The following GRM3 variants were observed in gnomAD, a reference collection of about 807,000 sequenced individuals.
GRM3 encodes metabotropic glutamate receptor 3.
In GRM3, 26 loss-of-function variants were observed where a neutral mutation model predicts 70.5. The ratio of observed to expected loss-of-function variants is 0.37; its 90% CI spans 0.27 to 0.51. GRM3 has a LOEUF of 0.51. Ranked by LOEUF, GRM3 falls within the 20% of genes least tolerant of loss-of-function variation. The pLI, the probability that GRM3 is intolerant of heterozygous loss-of-function variation, is 0.93. For missense variants in GRM3, 859 were observed against 1,123.8 expected, an observed-to-expected ratio of 0.76 and a Z score of 3.37; for synonymous variants, 443 against 434.9, an observed-to-expected ratio of 1.02 and a Z score of -0.23.
At chr7:86,832,353 C>T (rs1248462407) in intron 3 of GRM3, among the ~76,000 whole-genome samples, 2 of 150,050 alleles carry the variant, frequency 1.3e-5, no homozygotes, top group Admixed American at 6.7e-5. Flanking sequence ...CGGGTTCAAG[C>T]GATTCTTCTG....
chr7:86,660,312 T>G (rs1793860919), intron 1 of GRM3, among the ~76,000 whole-genome samples: 1 of 152,068 alleles, frequency 6.6e-6, no homozygotes, highest in Non-Finnish European at 1.5e-5. Context: ...TTGCCTTTCC[T>G]TGTATCCTAG....
intron 1 of GRM3, among the ~76,000 whole-genome samples, chr7:86,683,290 C>T (rs1175383542): frequency 1.3e-5 from 2 of 152,156 alleles, no homozygotes; most frequent in Admixed American, 6.5e-5. Context: ...TTAACATTCA[C>T]TGCAACAGAA....
At chr7:86,653,186 T>C (rs1386152671) in intron 1 of GRM3, among the ~76,000 whole-genome samples, 1 of 152,200 alleles carries the variant, frequency 6.6e-6, no homozygotes, top group East Asian at 1.9e-4. Context: ...CTCTGGGCTC[T>C]CCTCCTCTTA....
intron 3 of GRM3, among the ~76,000 whole-genome samples, chr7:86,805,954 T>C (rs1213413027): frequency 6.9e-6 from 1 of 145,278 alleles, no homozygotes; most frequent in Admixed American, 7.0e-5. Flanking sequence ...TGTGTCCAAG[T>C]GTTCTCATTG....
At chr7:86,796,727 T>G (rs1011318010) in intron 3 of GRM3, among the ~76,000 whole-genome samples, 2 of 152,212 alleles carry the variant, frequency 1.3e-5, no homozygotes, top group Non-Finnish European at 2.9e-5. Context: ...GTGTTCTCTC[T>G]TATTTCCTTG....
intron 3 of GRM3, among the ~76,000 whole-genome samples, chr7:86,819,548 T>C (rs570577117): frequency 6.6e-6 from 1 of 152,084 alleles, no homozygotes; most frequent in Non-Finnish European, 1.5e-5. Flanking sequence ...CAATCAGAGA[T>C]GGAGAGCCCG....
At chr7:86,816,023 G>C (rs1240929682) in intron 3 of GRM3, among the ~76,000 whole-genome samples, 1 of 151,846 alleles carries the variant, frequency 6.6e-6, no homozygotes, top group Non-Finnish European at 1.5e-5. Context: ...TCATGGTTAA[G>C]TACCATAAGA....
intron 1 of GRM3, among the ~76,000 whole-genome samples, chr7:86,692,973 G>T (rs776068778): frequency 2.6e-5 from 4 of 152,162 alleles, no homozygotes; most frequent in Non-Finnish European, 5.9e-5. Context: ...GGACAGATCC[G>T]TCATGAAATG....
At chr7:86,815,540 T>G (rs983622624) in intron 3 of GRM3, among the ~76,000 whole-genome samples, 13 of 151,926 alleles carry the variant, frequency 8.6e-5, no homozygotes, top group Non-Finnish European at 1.6e-4. Context: ...ATACAAATTC[T>G]GGGGAAATTA....
intron 1 of GRM3, among the ~76,000 whole-genome samples, chr7:86,673,987 G>A (rs750062941): frequency 9.2e-5 from 14 of 152,066 alleles, no homozygotes; most frequent in Non-Finnish European, 1.8e-4. Flanking sequence ...TAACTTATCT[G>A]CCTGCACTAA....
At chr7:86,651,835 T>C (rs887393211) in intron 1 of GRM3, among the ~76,000 whole-genome samples, 2 of 152,140 alleles carry the variant, frequency 1.3e-5, no homozygotes, top group African/African-American at 4.8e-5. Context: ...AAGTCCCACT[T>C]CCCCCAACAC....
chr7:86,785,664 G>A (rs1201385340), intron 2 of GRM3, among the ~76,000 whole-genome samples: 1 of 144,310 alleles, frequency 6.9e-6, no homozygotes, highest in African/African-American at 2.6e-5. Flanking sequence ...AAAATGTTGG[G>A]TGGTGGACTA....
chr7:86,751,736 A>T (rs531361096), intron 1 of GRM3, among the ~76,000 whole-genome samples: 1 of 152,032 alleles, frequency 6.6e-6, no homozygotes, highest in Non-Finnish European at 1.5e-5. Context: ...TACAGAAAGG[A>T]TAACAAAGTG....
chr7:86,860,933 G>A (rs1009976692), intron 5 of GRM3, among the ~76,000 whole-genome samples: 3 of 152,122 alleles, frequency 2.0e-5, no homozygotes, highest in African/African-American at 7.2e-5. Flanking sequence ...AACTTAAGAG[G>A]GGGTATTTGA....
At position 86,805,261 on chromosome 7, in the gene GRM3, T is replaced by TA. The variant is rs561809363; in HGVS notation, c.1324+18146dup. Among the ~76,000 whole-genome samples the TA allele has an allele frequency of 9.8e-5, 15 of 152,350 alleles. No individual in the cohort carries two copies. The East Asian group carries it at 2.7e-3, about 27-fold the overall frequency. On this transcript the variant is annotated intron_variant, in intron 3 of 5. Transcript: ENST00000361669. ...CAATATATATTATAGACCTTTTTTT[T>TA]ATTTTTTAAAACTAGACTTTATTTT... is the stretch of plus-strand genomic sequence containing the variant.
At position 86,839,339 on chromosome 7, in the gene GRM3, G is replaced by C; in HGVS notation, c.1825G>C (p.Ala609Pro). The C allele has an allele frequency of 6.2e-7, 1 of 1,614,030 alleles. No homozygotes were observed. The highest frequency in any genetic ancestry group is 8.5e-7 in the Non-Finnish European group (1 of 1,179,962). Residue 609 changes from alanine (A) to proline (P), a missense_variant, in exon 4 of 6, where the codon GCA (alanine) becomes CCA (proline). By Grantham distance (27) the Ala-to-Pro change is conservative. Transcript: ENST00000361669. This position sits in a 1 kb window ranked among gnomAD's most constrained non-coding sequence, Gnocchi z 4.5. ...IKHNNTPLVK[A>P]SGRELCYILL... ...GCACAACAACACACCCTTGGTCAAA[G>C]CATCGGGCCGAGAACTCTGCTACAT...
In GRM3 at chr7:86,864,438, C is replaced by A; in HGVS notation, c.*83C>A. On this transcript the variant is annotated 3_prime_UTR_variant, in exon 6 of 6. Transcript: ENST00000361669. ...GCAGCTCCAGAATATGGAAACAGAG[C>A]AAAAGAACAACCCTAGTACCTTTTT... 2.1e-6 allele frequency: 2 copies of A among 942,978 alleles called. No individual in the cohort carries two copies. The highest frequency in any genetic ancestry group is 3.5e-6 in the Non-Finnish European group (2 of 567,232). The allele number at this position is 942,978 out of a possible 1,614,324, so 58.4% of individuals were successfully genotyped here. A position where few individuals can be genotyped will look rare whatever the true frequency, so the allele number is the denominator to read the frequency against.
At chr7:86,776,499 C>A (rs1190093528) in intron 2 of GRM3, among the ~76,000 whole-genome samples, 1 of 151,872 alleles carries the variant, frequency 6.6e-6, no homozygotes, top group African/African-American at 2.4e-5. Context: ...TAAATTATTG[C>A]CCCAAGACCT....
chr7:86,767,515 A>ATATATG (rs1796631340), intron 2 of GRM3, among the ~76,000 whole-genome samples: 2 of 396 alleles, frequency 5.1e-3, no homozygotes, highest in African/African-American at 0.048. Flanking sequence ...GTCATACTTC[A>ATATATG]TATATATATA....
Sources: allele counts gnomAD v4.1 joint callset (sites outside exome capture counted in the v4.1 genomes callset), GRCh38; gene constraint gnomAD v4.1.1; non-coding constraint Gnocchi (gnomAD v3.1); transcripts MANE v1.5; gene names NCBI Gene and HGNC (gene_info 2026-07-23, HGNC 2026-07-21).